Variants in CCDC146 observed in about 807,000 individuals in gnomAD.
CCDC146 encodes coiled-coil domain containing 146, also known as coiled-coil domain-containing protein 146.
A neutral mutation model predicts 119.3 loss-of-function variants in CCDC146; 92 were observed. That is an observed-to-expected ratio of 0.77 (90% CI 0.65 to 0.92). The LOEUF (loss-of-function observed/expected upper bound fraction) is 0.92, where lower values mean the gene tolerates loss of function less well. CCDC146 is among the 40% of genes least tolerant of loss of function. The probability of loss-of-function intolerance (pLI) is 0.00; values close to 1 mark genes in which losing one functional copy is unlikely to be tolerated. For missense variants in CCDC146, 1,000 were observed against 1,103.0 expected (o/e 0.91, Z 1.32); for synonymous variants, 372 against 371.8 (o/e 1.00, Z -0.01).
At chr7:77,259,196 T>G in intron 7 of CCDC146, 128 bp downstream of exon 7, 117 of 525,786 alleles carry the variant, frequency 2.2e-4, no homozygotes, top group Non-Finnish European at 2.6e-4. Flanking sequence ...CTTTGGGCCC[T>G]GTCTAGGTTG....
Position 77,196,378 on chromosome 7 carries a change from C to A in CCDC146, c.156+28554C>A. On this transcript the variant is annotated intron_variant, in intron 2 of 18. Coordinates refer to ENST00000285871, the MANE Select transcript of CCDC146 (RefSeq NM_020879.3). The surrounding 1 kb of genome is among the most constrained non-coding windows in gnomAD (Gnocchi z 4.2). ...CCTCACTTACACCAGGCCAGGTACC[C>A]CAGAAAATCCCATTACGGACACCTC... The A allele has an allele frequency of 1.9e-6, 3 of 1,614,092 alleles. No individual in the cohort carries two copies. Among genetic ancestry groups the A allele is most frequent in the Non-Finnish European group, 2.5e-6 (3 of 1,180,012 alleles).
At chr7:77,126,479 C>G (rs1427680806) in intron 1 of CCDC146, among the ~76,000 whole-genome samples, 7 of 151,982 alleles carry the variant, frequency 4.6e-5, no homozygotes, top group African/African-American at 1.7e-4. Context: ...AGGAGACCCA[C>G]AGTGGGTAGC....
At chr7:77,179,192 A>C (rs1293083598) in intron 2 of CCDC146, among the ~76,000 whole-genome samples, 1 of 152,218 alleles carries the variant, frequency 6.6e-6, no homozygotes, top group Non-Finnish European at 1.5e-5. Context: ...TGGGAAGTTA[A>C]GGAACAGAGT....
chr7:77,279,364 GATA>G (rs1335055650), intron 13 of CCDC146, among the ~76,000 whole-genome samples: 1 of 152,054 alleles, frequency 6.6e-6, no homozygotes, highest in Non-Finnish European at 1.5e-5. Flanking sequence ...TTTTATAGAT[GATA>G]ATCTACCATG....
intron 15 of CCDC146, among the ~76,000 whole-genome samples, chr7:77,285,378 A>G (rs906768359): frequency 3.3e-5 from 5 of 152,240 alleles, no homozygotes; most frequent in African/African-American, 9.6e-5. Context: ...TCAATTCTAT[A>G]TTAAGGACAT....
intron 13 of CCDC146, among the ~76,000 whole-genome samples, chr7:77,279,420 A>G (rs1237558050): frequency 6.6e-6 from 1 of 152,254 alleles, no homozygotes. Context: ...ATGAAAAACC[A>G]TAACATATAA....
chr7:77,267,816 C>G (rs1331863546), intron 9 of CCDC146, among the ~76,000 whole-genome samples: 1 of 152,124 alleles, frequency 6.6e-6, no homozygotes, highest in Non-Finnish European at 1.5e-5. Context: ...AAATTCTTCT[C>G]CAATTATATA....
intron 4 of CCDC146, among the ~76,000 whole-genome samples, chr7:77,253,171 T>C (rs1327379473): frequency 6.6e-6 from 1 of 152,196 alleles, no homozygotes; most frequent in Non-Finnish European, 1.5e-5. Flanking sequence ...AAAATAATTG[T>C]CCTCAAATAC....
chr7:77,146,634 G>C (rs1168347670), intron 1 of CCDC146, among the ~76,000 whole-genome samples: 1 of 151,942 alleles, frequency 6.6e-6, no homozygotes, highest in Non-Finnish European at 1.5e-5. Context: ...GCATTTGCTT[G>C]TCTGTAAAGT....
chr7:77,143,296 T>A (rs1426138556), intron 1 of CCDC146, among the ~76,000 whole-genome samples: 63 of 151,884 alleles, frequency 4.1e-4, no homozygotes, highest in Non-Finnish European at 7.6e-4. Flanking sequence ...GTTTGAGTTC[T>A]TTGTAGATTC....
chr7:77,236,876 T>C, intron 2 of CCDC146, 71 bp from the exon 3 acceptor site: 3 of 1,097,494 alleles, frequency 2.7e-6, no homozygotes, highest in Non-Finnish European at 2.8e-6. Context: ...GATAACCATA[T>C]ATCCATTCCA....
intron 9 of CCDC146, among the ~76,000 whole-genome samples, chr7:77,266,829 A>G (rs1793412367): frequency 6.6e-6 from 1 of 152,150 alleles, no homozygotes; most frequent in Non-Finnish European, 1.5e-5. Flanking sequence ...TGTGTCACTC[A>G]CCTGCTCAAG....
chr7:77,215,555 A>G (rs996251), intron 2 of CCDC146, among the ~76,000 whole-genome samples: 9,020 of 152,140 alleles, frequency 0.059, 765 homozygotes, highest in African/African-American at 0.18. Context: ...TTTTTAATGG[A>G]CAGAACTAGG....
At chr7:77,177,166 C>A (rs1214240104) in intron 2 of CCDC146, among the ~76,000 whole-genome samples, 2 of 152,100 alleles carry the variant, frequency 1.3e-5, no homozygotes, top group Admixed American at 6.6e-5. Flanking sequence ...CTGAAAGTAT[C>A]GGTGATTTGC....
intron 2 of CCDC146, among the ~76,000 whole-genome samples, chr7:77,219,800 G>A (rs771558091): frequency 1.9e-4 from 29 of 152,136 alleles, no homozygotes; most frequent in Non-Finnish European, 3.2e-4. Flanking sequence ...TGCCCCCTGA[G>A]CCGCAAAACC....
chr7:77,146,376 A>T (rs1255112820), intron 1 of CCDC146, among the ~76,000 whole-genome samples: 1 of 151,070 alleles, frequency 6.6e-6, no homozygotes, highest in African/African-American at 2.5e-5. Flanking sequence ...CCAATTTGCC[A>T]GTCTATGTCT....
intron 1 of CCDC146, among the ~76,000 whole-genome samples, chr7:77,135,467 A>G (rs1790848805): frequency 6.6e-6 from 1 of 152,084 alleles, no homozygotes; most frequent in South Asian, 2.1e-4. Context: ...AAGAGAGAGA[A>G]AGAAAGAAAG....
At chr7:77,244,181 A>G (rs1191950293) in intron 4 of CCDC146, among the ~76,000 whole-genome samples, 1 of 152,258 alleles carries the variant, frequency 6.6e-6, no homozygotes, top group Non-Finnish European at 1.5e-5. Context: ...AAGAATACAA[A>G]GGAAGAAAAT....
chr7:77,173,394 T>C (rs1244236209), intron 2 of CCDC146, among the ~76,000 whole-genome samples: 1 of 152,094 alleles, frequency 6.6e-6, no homozygotes, highest in Admixed American at 6.5e-5. Flanking sequence ...TTTGGGAGAC[T>C]GAGGTGAGCG....
Sources: gnomAD v4.1 joint callset for allele counts (sites outside exome capture counted in the v4.1 genomes callset) on GRCh38, gnomAD v4.1.1 for gene constraint, Gnocchi (gnomAD v3.1) non-coding constraint, MANE v1.5 for transcripts, NCBI Gene and HGNC (gene_info 2026-07-23, HGNC 2026-07-21) for gene names.